The following NOL8 variants were observed in gnomAD, a reference collection of about 807,000 sequenced individuals.
NOL8 encodes nucleolar protein Nop132.
Under a neutral mutation model 116.1 loss-of-function variants are expected in NOL8, and 93 were observed. The ratio of observed to expected loss-of-function variants is 0.80; its 90% CI spans 0.68 to 0.95. The LOEUF (loss-of-function observed/expected upper bound fraction) is 0.95. Among genes scored for constraint, NOL8 ranks in the 40% least tolerant of loss-of-function variants. The pLI is 0.00. For missense variants in NOL8, 1,291 were observed against 1,382.8 expected (o/e 0.93, Z 1.05); for synonymous variants, 419 against 469.0 (o/e 0.89, Z 1.38).
chr9:92,300,270 T>A, intron 13 of NOL8: 1 of 1,033,612 alleles, frequency 9.7e-7, no homozygotes, highest in African/African-American at 1.7e-5. Flanking sequence ...AAAAAAGGTT[T>A]AAAAAATAAA....
chr9:92,307,001 C>G lies in NOL8; in HGVS notation c.2710G>C (p.Glu904Gln). The change falls in exon 11 of 17, where the codon GAG becomes CAG. Residue 904 changes from glutamate (E) to glutamine (Q), a missense_variant. Coordinates refer to ENST00000442668, the MANE Select transcript of NOL8 (RefSeq NM_017948.6). ...TTTTCTTCAGCAAGCTCTTCTTCCT[C>G]AGCAGTTTTCTTTTCATTTACCTCT... Reference protein sequence around the residue: ...QEEVNEKKTAEEEELAEEKKK... With the variant: ...QEEVNEKKTAQEEELAEEKKK... 1 of 1,611,002 alleles carries G rather than the reference C, an allele frequency of 6.2e-7. No individual in the cohort carries two copies. The highest frequency in any genetic ancestry group is 8.5e-7 in the Non-Finnish European group (1 of 1,179,332).
intron 12 of NOL8, among the ~76,000 whole-genome samples, chr9:92,303,731 G>A (rs1278887114): frequency 1.3e-5 from 2 of 152,164 alleles, no homozygotes; most frequent in Admixed American, 6.5e-5. Flanking sequence ...CTTGAGCCCA[G>A]GAGTTCAAGG....
At chr9:92,323,525 A>C in intron 2 of NOL8, 22 bp from the exon 3 acceptor site, 1 of 1,580,056 alleles carries the variant, frequency 6.3e-7, no homozygotes, top group Non-Finnish European at 8.6e-7. Flanking sequence ...ACAAACAAAC[A>C]AACAAAACAA....
intron 15 of NOL8, chr9:92,298,587 C>T: frequency 2.1e-6 from 1 of 471,732 alleles, no homozygotes; most frequent in Admixed American, 4.0e-5. Context: ...AGCTCCCCAA[C>T]AGCCTGAGTT....
In NOL8 at chr9:92,301,975, A is replaced by C. The variant is rs139125583; in HGVS notation, c.2904-153T>G. On this transcript the variant is annotated intron_variant, in intron 12 of 16. Transcript: ENST00000442668. ...TACTTATAAATAGAGAAATAAAATA[A>C]GTAAAACTCTACATATAGAACTCTA... Among the ~76,000 whole-genome samples the C allele has an allele frequency of 1.9e-3, 294 of 152,360 alleles. 2 individuals are homozygous for C. Among genetic ancestry groups the C allele is most frequent in the Non-Finnish European group, 3.5e-3 (238 of 68,042 alleles).
Position 92,315,305 on chromosome 9 carries a change from A to G in NOL8, c.1320T>C (p.His440=). The part of the protein sequence containing the change: ...RKSNVESALS[H]GLKSLNRKSP... ...ATTTACGATTAAGAGACTTTAATCC[A>G]TGACTGAGGGCTGACTCTACATTGC... Residue 440 remains histidine (H), a synonymous_variant, in exon 7 of 17, where the codon CAT becomes CAC. Coordinates refer to ENST00000442668, the MANE Select transcript of NOL8 (RefSeq NM_017948.6). 2 of 1,613,980 alleles carry G rather than the reference A, an allele frequency of 1.2e-6. No individual in the cohort carries two copies. Among genetic ancestry groups the G allele is most frequent in the Non-Finnish European group, 1.7e-6 (2 of 1,179,858 alleles).
chr9:92,321,542 G>C (rs866677345), intron 4 of NOL8, 126 bp downstream of exon 4: 1 of 588,790 alleles, frequency 1.7e-6, no homozygotes, highest in Non-Finnish European at 2.8e-6. Context: ...AGGGATTTCA[G>C]CTCTACTTAT....
intron 13 of NOL8, chr9:92,300,610 G>T: frequency 1.0e-6 from 1 of 996,134 alleles, no homozygotes; most frequent in Non-Finnish European, 1.2e-6. Context: ...CTCAAAGTTA[G>T]AAAAACTATC....
chr9:92,317,111 C>T (rs1307805632), intron 6 of NOL8, among the ~76,000 whole-genome samples: 1 of 152,092 alleles, frequency 6.6e-6, no homozygotes, highest in Non-Finnish European at 1.5e-5. Context: ...TGCCACCGGG[C>T]CCAGCCTGAT....
At chr9:92,321,461 A>T (rs1440447598) in intron 4 of NOL8, among the ~76,000 whole-genome samples, 2 of 152,252 alleles carry the variant, frequency 1.3e-5, no homozygotes, top group African/African-American at 4.8e-5. Flanking sequence ...TTTATAGCTT[A>T]TTACATACAT....
Position 92,307,006 on chromosome 9 carries a change from G to C in NOL8, c.2705C>G (p.Thr902Ser). The C allele has an allele frequency of 6.2e-7, 1 of 1,610,338 alleles. No individual in the cohort carries two copies. Among genetic ancestry groups the C allele is most frequent in the Non-Finnish European group, 8.5e-7 (1 of 1,179,150 alleles). Residue 902 changes from threonine to serine, a missense_variant, in exon 11 of 17, where the codon ACT becomes AGT. Physicochemically the swap from Thr to Ser is moderately conservative, Grantham distance 58. Transcript: ENST00000442668. ...TTCAGCAAGCTCTTCTTCCTCAGCAGTTTTCTTTTCATTTACCTCTTTGAG... is the reference window on the plus strand; with the variant it reads ...TTCAGCAAGCTCTTCTTCCTCAGCACTTTTCTTTTCATTTACCTCTTTGAG... Reference protein sequence around the residue: ...EEQEEVNEKKTAEEEELAEEK... With the variant: ...EEQEEVNEKKSAEEEELAEEK...
chr9:92,299,967 T>G lies in NOL8; in HGVS notation c.3225A>C (p.Glu1075Asp). 3.1e-6 allele frequency: 5 copies of G among 1,613,706 alleles called. No individual in the cohort carries two copies. In the South Asian group the frequency reaches 5.5e-5, roughly 18 times the overall value. The change falls in exon 14 of 17, where the codon GAA becomes GAC. Residue 1075 changes from glutamate (E) to aspartate (D), a missense_variant. Glu to Asp is a conservative substitution (Grantham distance 45, BLOSUM62 2). Transcript: ENST00000442668. ...TVKPGKIVWQ[E>D]DPRLQDSSSE... The stretch of plus-strand genomic sequence containing the variant: ...AACTGCTGTCTTGTAAACGAGGGTC[T>G]TCCTGCCAGACAATCTTTCCAGGTT...
intron 14 of NOL8, among the ~76,000 whole-genome samples, chr9:92,299,280 G>T (rs910771460): frequency 1.3e-5 from 2 of 152,134 alleles, no homozygotes; most frequent in African/African-American, 4.8e-5. Context: ...CCATTTGCCA[G>T]TGCCTCCCAT....
chr9:92,299,548 C>T (rs777598635), intron 14 of NOL8, among the ~76,000 whole-genome samples: 14 of 152,050 alleles, frequency 9.2e-5, no homozygotes, highest in Non-Finnish European at 7.4e-5. Context: ...GTCAGGAGTT[C>T]GAAACCAGCC....
chr9:92,313,806 G>A (rs1278622746), intron 7 of NOL8, among the ~76,000 whole-genome samples: 1 of 152,146 alleles, frequency 6.6e-6, no homozygotes, highest in Non-Finnish European at 1.5e-5. Flanking sequence ...AAGGCACAGG[G>A]GCACAACCCC....
At chr9:92,307,401 T>C (rs1372795226) in intron 10 of NOL8, among the ~76,000 whole-genome samples, 1 of 152,094 alleles carries the variant, frequency 6.6e-6, no homozygotes, top group Non-Finnish European at 1.5e-5. Flanking sequence ...ATTACGTAAA[T>C]CTAAAAATGA....
intron 4 of NOL8, chr9:92,320,059 CTT>C (rs1453858475): frequency 2.2e-6 from 1 of 455,962 alleles, no homozygotes; most frequent in Non-Finnish European, 4.4e-6. Flanking sequence ...TTTATATTAT[CTT>C]CTCTCCATTC....
intron 6 of NOL8, among the ~76,000 whole-genome samples, chr9:92,318,062 TA>T (rs926081765): frequency 3.7e-5 from 5 of 133,882 alleles, no homozygotes; most frequent in East Asian, 2.1e-4. Context: ...AAAAAAAGAT[TA>T]AAAAAAAAGA....
intron 3 of NOL8, 105 bp downstream of exon 3, chr9:92,323,336 A>G (rs1159312414): frequency 1.8e-5 from 28 of 1,544,434 alleles, no homozygotes; most frequent in Non-Finnish European, 2.3e-5. Flanking sequence ...GTCCCTCTGG[A>G]TAACGTGAAA....
Sources: allele counts gnomAD v4.1 joint callset (sites outside exome capture counted in the v4.1 genomes callset), GRCh38; gene constraint gnomAD v4.1.1; transcripts MANE v1.5; gene names NCBI Gene and HGNC (gene_info 2026-07-23, HGNC 2026-07-21).